The following MGAT4A variants were observed in gnomAD, a reference collection of about 807,000 sequenced individuals.
The protein encoded by MGAT4A is N-acetylglucosaminyltransferase IVa.
Under a neutral mutation model 74.1 loss-of-function variants are expected in MGAT4A, and 33 were observed. That is an observed-to-expected ratio of 0.45 (90% CI 0.34 to 0.60). MGAT4A has a LOEUF of 0.60. MGAT4A is among the 20% of genes least tolerant of loss of function. MGAT4A has a pLI of 0.02. For synonymous variants in MGAT4A, 198 were observed against 210.4 expected, an observed-to-expected ratio of 0.94 and a Z score of 0.51; for missense variants, 479 against 628.3, an observed-to-expected ratio of 0.76 and a Z score of 2.54.
At chr2:98,713,886 G>A (rs1043202319) in intron 2 of MGAT4A, among the ~76,000 whole-genome samples, 4 of 152,084 alleles carry the variant, frequency 2.6e-5, no homozygotes, top group African/African-American at 4.8e-5. Context: ...ATAACCACAC[G>A]GAAGAGGAAG....
rs1702761926 is a variant in MGAT4A at position 98,726,270 on chromosome 2, C to A, written c.63G>T (p.Leu21Phe). The change falls in exon 2 of 16, where the codon TTG (leucine) becomes TTT (phenylalanine). Residue 21 changes from leucine (L) to phenylalanine (F), a missense_variant. This residue lies in a region of MGAT4A where 205 missense variants were observed against 232.7 expected (regional missense o/e 0.88). Transcript: ENST00000393487. ...ALAFITSFLTLSWYTTWQNGK... is the reference protein window; with the variant it reads ...ALAFITSFLTFSWYTTWQNGK... ...CATTTTGCCATGTAGTATACCAAGACAAAGTAAGGAAGGAAGTGATAAATG... is the reference window on the plus strand; with the variant it reads ...CATTTTGCCATGTAGTATACCAAGAAAAAGTAAGGAAGGAAGTGATAAATG... The A allele has an allele frequency of 6.2e-7, 1 of 1,613,872 alleles. No homozygotes were observed. The highest frequency in any genetic ancestry group is 1.3e-5 in the African/African-American group (1 of 74,934).
rs1559151110 is a variant in MGAT4A, at chr2:98,619,998, G to T, written c.*5568C>A. 1 of 152,134 alleles carries T rather than the reference G, an allele frequency of 6.6e-6. No homozygotes were observed. Among genetic ancestry groups the T allele is most frequent in the East Asian group, 1.9e-4 (1 of 5,200 alleles). 9.4% of individuals were successfully genotyped at this position (152,134 alleles called of 1,614,324 possible). A position where few individuals can be genotyped will look rare whatever the true frequency, so the allele number is the denominator to read the frequency against. ...TGCTCAGTTTACTTTCTTGAATGAG[G>T]TCTTCTAAATTCTCAGCTCAGATGC... On this transcript the variant is annotated 3_prime_UTR_variant, in exon 16 of 16. Coordinates refer to ENST00000393487, the MANE Select transcript of MGAT4A (RefSeq NM_012214.3).
At chr2:98,679,269 G>A (rs936029259) in intron 2 of MGAT4A, among the ~76,000 whole-genome samples, 9 of 152,032 alleles carry the variant, frequency 5.9e-5, no homozygotes, top group Non-Finnish European at 8.8e-5. Context: ...AGCCAGGAGC[G>A]GTGGTGGGCG....
chr2:98,636,491 A>C, intron 13 of MGAT4A, 26 bp downstream of exon 13: 1 of 1,552,496 alleles, frequency 6.4e-7, no homozygotes, highest in African/African-American at 1.4e-5. Context: ...TTGTTAGGGA[A>C]AGGTAAGAGG....
At chr2:98,660,080 A>C (rs560071201) in intron 5 of MGAT4A, among the ~76,000 whole-genome samples, 3 of 152,232 alleles carry the variant, frequency 2.0e-5, no homozygotes, top group South Asian at 2.1e-4. Context: ...GCATTTCTAC[A>C]TACTAACAAT....
At chr2:98,635,942 C>T (rs901099387) in intron 13 of MGAT4A, among the ~76,000 whole-genome samples, 6 of 150,330 alleles carry the variant, frequency 4.0e-5, no homozygotes, top group African/African-American at 1.2e-4. Context: ...GAGCCAAGAT[C>T]GCACCACTGC....
intron 4 of MGAT4A, among the ~76,000 whole-genome samples, chr2:98,663,713 T>C (rs150778987): frequency 5.3e-5 from 8 of 152,194 alleles, no homozygotes; most frequent in African/African-American, 1.2e-4. Flanking sequence ...TGGTCCCCGA[T>C]TGGAAAAGAC....
intron 2 of MGAT4A, among the ~76,000 whole-genome samples, chr2:98,708,073 TAA>T (rs1193613017): frequency 1.3e-5 from 2 of 152,174 alleles, no homozygotes; most frequent in African/African-American, 4.8e-5. Context: ...CCAAAATATA[TAA>T]GTTAAGCCTA....
At chr2:98,639,280 T>C (rs1701369268) in intron 12 of MGAT4A, among the ~76,000 whole-genome samples, 1 of 149,962 alleles carries the variant, frequency 6.7e-6, no homozygotes, top group Non-Finnish European at 1.5e-5. Context: ...AGCGAGACTG[T>C]CTCAAAAAAA....
At chr2:98,690,088 TCAGA>T (rs1702174907) in intron 2 of MGAT4A, among the ~76,000 whole-genome samples, 3 of 151,442 alleles carry the variant, frequency 2.0e-5, no homozygotes, top group South Asian at 2.1e-4. Flanking sequence ...ACAGAAAACG[TCAGA>T]CAATCACCAC....
chr2:98,658,357 A>G, intron 5 of MGAT4A, 93 bp from the exon 6 acceptor site: 1 of 710,484 alleles, frequency 1.4e-6, no homozygotes, highest in Non-Finnish European at 2.3e-6. Flanking sequence ...TGATAAAAAC[A>G]TTCATTAAAA....
chr2:98,725,023 C>T (rs572209802), intron 2 of MGAT4A, among the ~76,000 whole-genome samples: 1 of 152,228 alleles, frequency 6.6e-6, no homozygotes, highest in South Asian at 2.1e-4. Context: ...TGCAGTGAGC[C>T]GAGGTCTTGC....
intron 14 of MGAT4A, among the ~76,000 whole-genome samples, chr2:98,631,982 C>T (rs889038917): frequency 6.6e-6 from 1 of 152,056 alleles, no homozygotes; most frequent in Non-Finnish European, 1.5e-5. Context: ...TGGTGGTGGG[C>T]GCCTGTAATC....
intron 4 of MGAT4A, among the ~76,000 whole-genome samples, chr2:98,666,995 T>G (rs974573734): frequency 1.3e-5 from 2 of 152,164 alleles, no homozygotes; most frequent in Non-Finnish European, 2.9e-5. Flanking sequence ...TGGGAGGTAA[T>G]TGAATCATGG....
chr2:98,684,839 A>C (rs1702107406), intron 2 of MGAT4A, among the ~76,000 whole-genome samples: 1 of 152,198 alleles, frequency 6.6e-6, no homozygotes, highest in Admixed American at 6.5e-5. Flanking sequence ...GGCTTTTTGT[A>C]TTGAAACAAA....
At chr2:98,659,630 A>C (rs1701713825) in intron 5 of MGAT4A, among the ~76,000 whole-genome samples, 1 of 152,196 alleles carries the variant, frequency 6.6e-6, no homozygotes, top group Non-Finnish European at 1.5e-5. Context: ...GATAGTGAAT[A>C]AGGCTTATAA....
At chr2:98,723,676 C>G (rs1053563522) in intron 2 of MGAT4A, among the ~76,000 whole-genome samples, 1 of 152,158 alleles carries the variant, frequency 6.6e-6, no homozygotes, top group East Asian at 1.9e-4. Context: ...TACTCTACTC[C>G]CCTTCAGAAC....
chr2:98,634,713 T>C (rs1701290838), intron 14 of MGAT4A, among the ~76,000 whole-genome samples: 1 of 148,632 alleles, frequency 6.7e-6, no homozygotes, highest in South Asian at 2.2e-4. Context: ...GTCTTCAGGG[T>C]GCCTCCCAGG....
At chr2:98,673,723 G>A (rs1192552934) in intron 4 of MGAT4A, among the ~76,000 whole-genome samples, 1 of 152,118 alleles carries the variant, frequency 6.6e-6, no homozygotes, top group African/African-American at 2.4e-5. Flanking sequence ...CATTTTAAAT[G>A]ACTTTAAAAA....
Sources: allele counts gnomAD v4.1 joint callset (sites outside exome capture counted in the v4.1 genomes callset), GRCh38; gene constraint gnomAD v4.1.1; regional missense constraint gnomAD v4.1.1; transcripts MANE v1.5; gene names NCBI Gene and HGNC (gene_info 2026-07-23, HGNC 2026-07-21).